Variants in ADAR observed in about 807,000 individuals in gnomAD.
The protein encoded by ADAR is adenosine deaminase RNA specific.
ADAR carries 41 observed loss-of-function variants against 113.2 expected under a neutral mutation model. The observed-to-expected ratio is 0.36, with a 90% CI of 0.28 to 0.47. The LOEUF (loss-of-function observed/expected upper bound fraction) is 0.47, where lower values mean the gene tolerates loss of function less well. ADAR is among the 20% of genes least tolerant of loss of function. ADAR has a pLI of 1.00. For missense variants in ADAR, 1,242 were observed against 1,540.9 expected, an observed-to-expected ratio of 0.81 and a Z score of 3.25; for synonymous variants, 605 against 572.6, an observed-to-expected ratio of 1.06 and a Z score of -0.81.
rs1013077618 is a variant in ADAR, at chr1:154,589,301, C to T, written c.2762+68G>A. The T allele has an allele frequency of 4.8e-6, 6 of 1,245,750 alleles. No homozygotes were observed. The Admixed American group carries it at 1.0e-4, about 21-fold the overall frequency. 77.2% of individuals were successfully genotyped at this position (1,245,750 alleles called of 1,614,324 possible). A position where few individuals can be genotyped will look rare whatever the true frequency, so the allele number is the denominator to read the frequency against. ...GGGGGATTCAGAGGCCGTGTCAGAG[C>T]CATGTGGGGCAGGGAACTGGAGCTC... is the stretch of plus-strand genomic sequence containing the variant. On this transcript the variant is annotated intron_variant, in intron 9 of 14. Coordinates refer to ENST00000368474, the MANE Select transcript of ADAR (RefSeq NM_001111.5).
At chr1:154,590,991 C>T (rs550610980) in intron 6 of ADAR, among the ~76,000 whole-genome samples, 15 of 152,004 alleles carry the variant, frequency 9.9e-5, no homozygotes, top group African/African-American at 2.4e-4. Context: ...TGTAAATATC[C>T]GTAATACTAG....
chr1:154,602,805 G>C (rs1271946389), intron 1 of ADAR, among the ~76,000 whole-genome samples, 179 bp from the exon 2 acceptor site: 3 of 152,176 alleles, frequency 2.0e-5, no homozygotes, highest in Non-Finnish European at 2.9e-5. Flanking sequence ...CTAGGGGCCT[G>C]CCAACAGGAA....
rs1310134511 is a variant in ADAR, at chr1:154,584,926, T to G, written c.3561A>C (p.Lys1187Asn). Residue 1187 changes from lysine to asparagine, a missense_variant, in exon 15 of 15, where the codon AAA (lysine) becomes AAC (asparagine). By Grantham distance (94) the Lys-to-Asn change is moderately conservative. Transcript: ENST00000368474. Reference sequence around the variant, plus strand: ...TGGCCGTCTCGTAGTCACGGGCAGCTTTCTTGGCCTCACCATAGGAGAGTC... The same window carrying G: ...TGGCCGTCTCGTAGTCACGGGCAGCGTTCTTGGCCTCACCATAGGAGAGTC... The part of the protein sequence containing the change: ...LLRLSYGEAK[K>N]AARDYETAKN... The G allele has an allele frequency of 1.2e-6, 2 of 1,614,068 alleles. No individual in the cohort carries two copies. The highest frequency in any genetic ancestry group is 1.7e-6 in the Non-Finnish European group (2 of 1,180,046).
intron 1 of ADAR, among the ~76,000 whole-genome samples, chr1:154,625,585 G>A (rs1261456310): frequency 3.9e-5 from 6 of 152,192 alleles, no homozygotes; most frequent in South Asian, 2.1e-4. Context: ...AAGGCCTGGC[G>A]CGGTGGCTCA....
rs566015277 is a variant in ADAR at position 154,607,447 on chromosome 1, C to A, written c.15+545G>T. Among the ~76,000 whole-genome samples, 7 of 152,286 alleles carry A rather than the reference C, an allele frequency of 4.6e-5. No homozygotes were observed. In the East Asian group the frequency reaches 1.3e-3, roughly 29 times the overall value. Reference sequence around the variant, plus strand: ...AGTGCCATTTTTAACTCCCAGAAGGCCTTCAGGAGGTGGATAAGGTGAGCT... The same window carrying A: ...AGTGCCATTTTTAACTCCCAGAAGGACTTCAGGAGGTGGATAAGGTGAGCT... On this transcript the variant is annotated intron_variant, in intron 1 of 14. Transcript: ENST00000368474.
chr1:154,585,916 T>A (rs747589122), intron 12 of ADAR, 51 bp from the exon 13 acceptor site: 3 of 1,506,594 alleles, frequency 2.0e-6, no homozygotes, highest in Non-Finnish European at 2.8e-6. Flanking sequence ...CCAAATGCTG[T>A]TAAGAGGCAG....
At chr1:154,611,492 G>A (rs146509243), upstream of ADAR, among the ~76,000 whole-genome samples, 6 of 151,708 alleles carry the variant, frequency 4.0e-5, no homozygotes, top group South Asian at 8.3e-4. Flanking sequence ...TCTATTGTAG[G>A]AACTTGACGA....
rs966365371 is a variant in ADAR at position 154,584,703 on chromosome 1, AAG to A, written c.*101_*102del. On this transcript the variant is annotated 3_prime_UTR_variant, in exon 15 of 15. Coordinates refer to ENST00000368474, the MANE Select transcript of ADAR (RefSeq NM_001111.5). ...CAATTATGGCTTAAAAAGAAAAAAAAAGGAGAAAAAAAAATCCCCTGACCATG... is the reference window on the plus strand; with the variant it reads ...CAATTATGGCTTAAAAAGAAAAAAAAGAGAAAAAAAAATCCCCTGACCATG... The A allele has an allele frequency of 2.8e-6, 3 of 1,064,784 alleles. No individual in the cohort carries two copies. The African/African-American group carries it at 4.8e-5, about 17-fold the overall frequency. The allele number at this position is 1,064,784 out of a possible 1,614,324, so 66.0% of individuals were successfully genotyped here.
intron 6 of ADAR, among the ~76,000 whole-genome samples, chr1:154,595,841 T>A (rs1697455841): frequency 6.6e-6 from 1 of 152,328 alleles, no homozygotes; most frequent in African/African-American, 2.4e-5. Flanking sequence ...CACAGCAACT[T>A]CTAGTCCTGC....
intron 1 of ADAR, among the ~76,000 whole-genome samples, chr1:154,606,660 G>C (rs1230063835): frequency 6.6e-6 from 1 of 152,132 alleles, no homozygotes; most frequent in Non-Finnish European, 1.5e-5. Context: ...CATTTGGAAA[G>C]CTACGGAATA....
rs1441793403 is a variant in ADAR, at chr1:154,586,217, A to G, written c.3166T>C (p.Phe1056Leu). ...GATTTGAGATAAATGGGCTGCAGGA[A>G]GTGGGTCAACAGTGCCCCTTGCAGG... ...LGLQGALLTHFLQPIYLKSVT... is the reference protein window; with the variant it reads ...LGLQGALLTHLLQPIYLKSVT... Residue 1056 changes from phenylalanine (F) to leucine (L), a missense_variant, in exon 12 of 15, where the codon TTC becomes CTC. Around this residue, in one of 2 missense-constraint regions of ADAR, gnomAD observed 780 missense variants for 1,057.9 expected, o/e 0.74. Coordinates refer to ENST00000368474, the MANE Select transcript of ADAR (RefSeq NM_001111.5). 6.2e-7 allele frequency: 1 copy of G among 1,614,216 alleles called. No homozygotes were observed. The highest frequency in any genetic ancestry group is 8.5e-7 in the Non-Finnish European group (1 of 1,180,036).
intron 1 of ADAR, among the ~76,000 whole-genome samples, chr1:154,604,683 T>C (rs1044556524): frequency 3.3e-5 from 5 of 152,222 alleles, no homozygotes; most frequent in Non-Finnish European, 5.9e-5. Flanking sequence ...TGTCCCTTTT[T>C]CCCACCCCTT....
chr1:154,586,606 T>C (rs776538027), intron 11 of ADAR, among the ~76,000 whole-genome samples: 28 of 152,154 alleles, frequency 1.8e-4, no homozygotes, highest in African/African-American at 2.4e-5. Flanking sequence ...GGGAAGAGAA[T>C]AGACACTAAA....
chr1:154,617,968 C>T (rs1698681698), intron 1 of ADAR, among the ~76,000 whole-genome samples: 2 of 151,640 alleles, frequency 1.3e-5, no homozygotes, highest in Admixed American at 1.3e-4. Context: ...ACTCTTAGAA[C>T]CAATACCAGT....
chr1:154,627,914 A>ACCCCCCCCCCCCCCCCCCCCCCCCC, exon 1 of ADAR: 8 of 463,320 alleles, frequency 1.7e-5, no homozygotes, highest in South Asian at 4.4e-5. Flanking sequence ...TGCGGCCGCG[A>ACCCCCCCCCCCCCCCCCCCCCCCCC]CCCTCCCCCC....
In ADAR at chr1:154,585,024, G is replaced by A. The variant is rs1044845711; in HGVS notation, c.3463C>T (p.Arg1155Trp). 3 of 1,613,692 alleles carry A rather than the reference G, an allele frequency of 1.9e-6. No individual in the cohort carries two copies. Among genetic ancestry groups the A allele is most frequent in the African/African-American group, 1.3e-5 (1 of 74,880 alleles). Residue 1155 changes from arginine (R) to tryptophan (W), a missense_variant, in exon 15 of 15, where the codon CGG becomes TGG. Coordinates refer to ENST00000368474, the MANE Select transcript of ADAR (RefSeq NM_001111.5). ...AGAAAAATGTTCTTTTTGGAGACCC[G>A]GGACAATTCATTCCGTGGCCTAGAG... Reference protein sequence around the residue: ...TVDGPRNELSRVSKKNIFLLF... With the variant: ...TVDGPRNELSWVSKKNIFLLF...
In ADAR at chr1:154,601,745, G is replaced by C. The variant is rs1697895154; in HGVS notation, c.897C>G (p.Ile299Met). Residue 299 changes from isoleucine (I) to methionine (M), a missense_variant, in exon 2 of 15, where the codon ATC (isoleucine) becomes ATG (methionine). Physicochemically the swap from Ile to Met is conservative, Grantham distance 10. Transcript: ENST00000368474. This position sits in a 1 kb window ranked among gnomAD's most constrained non-coding sequence, Gnocchi z 4.7. ...AGAGATAGTCGCAGATTTTCTCCTT[G>C]ATCTCGGCCATGTCTAAAAACTCAA... Reference protein sequence around the residue: ...DPLEFLDMAEIKEKICDYLFN... With the variant: ...DPLEFLDMAEMKEKICDYLFN... 2 of 1,614,194 alleles carry C rather than the reference G, an allele frequency of 1.2e-6. No individual in the cohort carries two copies. Among genetic ancestry groups the C allele is most frequent in the Non-Finnish European group, 8.5e-7 (1 of 1,180,038 alleles).
chr1:154,599,045 TAGGGGG>T (rs1280617369), intron 2 of ADAR, among the ~76,000 whole-genome samples: 1 of 152,180 alleles, frequency 6.6e-6, no homozygotes, highest in African/African-American at 2.4e-5. Flanking sequence ...CCCCACTACC[TAGGGGG>T]ATCAGGCATC....
chr1:154,585,441 G>C, intron 13 of ADAR, 97 bp from the exon 14 acceptor site: 1 of 1,566,396 alleles, frequency 6.4e-7, no homozygotes, highest in South Asian at 1.1e-5. Flanking sequence ...GGAAGTGTGG[G>C]GTCATGATCT....
Sources: gnomAD v4.1 joint callset for allele counts (sites outside exome capture counted in the v4.1 genomes callset) on GRCh38, gnomAD v4.1.1 for gene constraint, gnomAD v4.1.1 regional missense constraint, Gnocchi (gnomAD v3.1) non-coding constraint, MANE v1.5 for transcripts, NCBI Gene and HGNC (gene_info 2026-07-23, HGNC 2026-07-21) for gene names.